MASP1: variants seen among roughly 807,000 people sequenced by gnomAD.
MASP1 encodes MBL associated serine protease 1.
Under a neutral mutation model 77.1 loss-of-function variants are expected in MASP1, and 59 were observed. That is an observed-to-expected ratio of 0.77 (90% CI 0.62 to 0.95). The LOEUF is 0.95. MASP1 is among the 40% of genes least tolerant of loss of function. MASP1 has a pLI of 0.00. For synonymous variants in MASP1, 362 were observed against 354.5 expected (o/e 1.02, Z -0.24); for missense variants, 885 against 912.9 (o/e 0.97, Z 0.39).
intron 14 of MASP1, chr3:187,223,092 G>A (rs374280974): frequency 1.1e-5 from 17 of 1,562,364 alleles, no homozygotes; most frequent in Non-Finnish European, 1.3e-5. Flanking sequence ...CAGAGCTGAG[G>A]TGTCACTGTC....
rs911424800 is a variant in MASP1, at chr3:187,226,286, G to A, written c.1555+121C>T. The A allele has an allele frequency of 3.2e-5, 24 of 757,550 alleles. No homozygotes were observed. The East Asian group carries it at 5.9e-4, about 19-fold the overall frequency. 46.9% of individuals were successfully genotyped at this position (757,550 alleles called of 1,614,324 possible). On this transcript the variant is annotated intron_variant, in intron 12 of 15. Transcript: ENST00000337774. ...TCAGGTTCCTGGACCTCCATCCCAGGTGTCCTGCCCTGACAAATGAGTGAG... is the reference window on the plus strand; with the variant it reads ...TCAGGTTCCTGGACCTCCATCCCAGATGTCCTGCCCTGACAAATGAGTGAG...
rs746542158 is a variant in MASP1 at position 187,250,310 on chromosome 3, G to T, written c.1031C>A (p.Thr344Lys). 2 of 1,613,464 alleles carry T rather than the reference G, an allele frequency of 1.2e-6. No homozygotes were observed. The highest frequency in any genetic ancestry group is 1.7e-5 in the Admixed American group (1 of 60,022). ...ATCCTTCAGACACTCAATCTGGAAT[G>T]TGTCCATCTCCACATTATCCTGGGA... Reference protein sequence around the residue: ...KVLKDNVEMDTFQIECLKDGT... With the variant: ...KVLKDNVEMDKFQIECLKDGT... The change falls in exon 8 of 11, where the codon ACA (threonine) becomes AAA (lysine). Residue 344 changes from threonine (T) to lysine (K), a missense_variant. Transcript: ENST00000296280.
intron 10 of MASP1, among the ~76,000 whole-genome samples, chr3:187,237,622 G>A (rs187309421): frequency 2.0e-4 from 30 of 152,374 alleles, no homozygotes; most frequent in Middle Eastern, 3.4e-3. Flanking sequence ...TGCACCCTGA[G>A]CATGCACATG....
At chr3:187,253,142 G>C (rs778550847) in intron 6 of MASP1, 26 bp downstream of exon 6, 4 of 1,613,018 alleles carry the variant, frequency 2.5e-6, no homozygotes, top group South Asian at 2.2e-5. Flanking sequence ...CAGCAGCTCG[G>C]TGTGACCTGG....
At chr3:187,250,098 C>CT (rs1241799847) in intron 8 of MASP1, among the ~76,000 whole-genome samples, 153 bp downstream of exon 8, 5 of 152,066 alleles carry the variant, frequency 3.3e-5, no homozygotes, top group African/African-American at 4.8e-5. Context: ...CACTGATACT[C>CT]TTTTTTTTCC....
chr3:187,220,290 T>TA, intron 15 of MASP1: 1 of 1,605,558 alleles, frequency 6.2e-7, no homozygotes, highest in Non-Finnish European at 8.5e-7. Context: ...TAGATGAAGA[T>TA]AAAATGCCCC....
At chr3:187,256,437 C>T (rs919150932) in intron 5 of MASP1, 1 of 587,864 alleles carries the variant, frequency 1.7e-6, no homozygotes, top group Admixed American at 2.8e-5. Context: ...ATTCACGACT[C>T]TCCTCCTCAA....
intron 2 of MASP1, among the ~76,000 whole-genome samples, chr3:187,272,725 C>G (rs1247096290): frequency 6.6e-6 from 1 of 152,098 alleles, no homozygotes; most frequent in Non-Finnish European, 1.5e-5. Flanking sequence ...GGAAGGATCC[C>G]CCTCTGGAGC....
rs1713651889 is a variant in MASP1 at position 187,241,661 on chromosome 3, G to A, written c.1229-106C>T. ...TTTCTCTAAAGTGAGTTATTACAAA[G>A]TCCTCCAAATGGTCATCTAGGCTCA... On this transcript the variant is annotated intron_variant, in intron 9 of 10. Coordinates refer to ENST00000296280, the MANE Select transcript of MASP1 (RefSeq NM_139125.4). The A allele has an allele frequency of 2.5e-5, 20 of 792,614 alleles. No individual in the cohort carries two copies. In the East Asian group the frequency reaches 4.8e-4, roughly 19 times the overall value. 49.1% of individuals were successfully genotyped at this position (792,614 alleles called of 1,614,324 possible). A position where few individuals can be genotyped will look rare whatever the true frequency, so the allele number is the denominator to read the frequency against.
rs370207004 is a variant in MASP1, at chr3:187,260,737, C to T, written c.547+4G>A. ...CAATGCATACAATCATTGGTAGGCT[C>T]TACCTCGGCAGGTCCTGTTGTCTGT... On this transcript the variant is annotated splice_donor_region_variant and intron_variant, in intron 4 of 10. Transcript: ENST00000296280. 1 of 1,614,078 alleles carries T rather than the reference C, an allele frequency of 6.2e-7. No individual in the cohort carries two copies.
intron 3 of MASP1, among the ~76,000 whole-genome samples, chr3:187,261,385 C>T (rs186036923): frequency 1.3e-5 from 2 of 152,312 alleles, no homozygotes; most frequent in Admixed American, 1.3e-4. Flanking sequence ...CTTTCTGCCC[C>T]TAATGTGGGT....
At chr3:187,239,171 C>T (rs1489424302) in intron 10 of MASP1, among the ~76,000 whole-genome samples, 5 of 149,122 alleles carry the variant, frequency 3.4e-5, no homozygotes, top group Non-Finnish European at 5.9e-5. Context: ...AGAGAAACCC[C>T]GTCTCTACTA....
intron 2 of MASP1, among the ~76,000 whole-genome samples, chr3:187,281,377 G>A (rs1717396794): frequency 6.6e-6 from 1 of 152,232 alleles, no homozygotes. Context: ...GGCTGGGCTG[G>A]AAAATGTTCC....
chr3:187,275,534 G>C (rs1023583641), intron 2 of MASP1, among the ~76,000 whole-genome samples: 1 of 152,106 alleles, frequency 6.6e-6, no homozygotes, highest in Non-Finnish European at 1.5e-5. Context: ...CAGTTTATAA[G>C]AGCCAACTGT....
At chr3:187,276,105 C>CA (rs1716945368) in intron 2 of MASP1, among the ~76,000 whole-genome samples, 2 of 144,742 alleles carry the variant, frequency 1.4e-5, no homozygotes, top group South Asian at 2.3e-4. Context: ...TAAAGTGCCC[C>CA]CCAGGGTAGC....
Position 187,235,152 on chromosome 3 carries a change from C to A in MASP1, c.*532G>T, listed in dbSNP as rs1268427157. ...ATCACACTAAGAGAGAGGGGCTTGG[C>A]TATGAGCCATCTCCCAAAACCTGAA... On this transcript the variant is annotated 3_prime_UTR_variant, in exon 11 of 11. Coordinates refer to ENST00000296280, the MANE Select transcript of MASP1 (RefSeq NM_139125.4). The A allele has an allele frequency of 7.8e-7, 1 of 1,287,570 alleles. No individual in the cohort carries two copies. The highest frequency in any genetic ancestry group is 1.5e-5 in the African/African-American group (1 of 65,928). The allele number at this position is 1,287,570 out of a possible 1,614,324, so 79.8% of individuals were successfully genotyped here.
chr3:187,234,229 T>C lies in MASP1; in HGVS notation c.*1455A>G. The stretch of plus-strand genomic sequence containing the variant: ...TGTGCCATTCATAGACAAAGGAGTG[T>C]GTTTGATGAGCCGGTTGAGAAAGTG... On this transcript the variant is annotated 3_prime_UTR_variant, in exon 11 of 11. Coordinates refer to ENST00000296280, the MANE Select transcript of MASP1 (RefSeq NM_139125.4). The C allele has an allele frequency of 2.3e-6, 3 of 1,287,208 alleles. No homozygotes were observed. Among genetic ancestry groups the C allele is most frequent in the Non-Finnish European group, 1.0e-6 (1 of 988,698 alleles). 79.7% of individuals were successfully genotyped at this position (1,287,208 alleles called of 1,614,324 possible). A position where few individuals can be genotyped will look rare whatever the true frequency, so the allele number is the denominator to read the frequency against.
At chr3:187,291,507 G>C in intron 1 of MASP1, 121 bp downstream of exon 1, 1 of 1,324,684 alleles carries the variant, frequency 7.5e-7, no homozygotes, top group East Asian at 2.3e-5. Context: ...TGATGAGAAA[G>C]CCCCTCACTA....
At chr3:187,247,258 T>G (rs1252914103) in intron 8 of MASP1, 1 of 1,611,762 alleles carries the variant, frequency 6.2e-7, no homozygotes, top group Admixed American at 1.7e-5. Flanking sequence ...TGGGGAGGGG[T>G]GGTGCAGCTC....
Sources: gnomAD v4.1 joint callset for allele counts (sites outside exome capture counted in the v4.1 genomes callset) on GRCh38, gnomAD v4.1.1 for gene constraint, MANE v1.5 for transcripts, NCBI Gene and HGNC (gene_info 2026-07-23, HGNC 2026-07-21) for gene names.